The following TTC29 variants were observed in gnomAD, a reference collection of about 807,000 sequenced individuals.
TTC29 encodes tetratricopeptide repeat domain 29.
In TTC29, 49 loss-of-function variants were observed where a neutral mutation model predicts 58.1. The ratio of observed to expected loss-of-function variants is 0.84; its 90% confidence interval spans 0.67 to 1.07. The LOEUF (loss-of-function observed/expected upper bound fraction) is 1.07, where lower values mean the gene tolerates loss of function less well. Among genes scored for constraint, TTC29 ranks in the 50% least tolerant of loss-of-function variants. TTC29 has a pLI of 0.00. For synonymous variants in TTC29, 209 were observed against 196.8 expected, an observed-to-expected ratio of 1.06 and a Z score of -0.52; for missense variants, 582 against 555.6, an observed-to-expected ratio of 1.05 and a Z score of -0.48.
At chr4:146,828,719 T>C (rs1727970678) in intron 9 of TTC29, among the ~76,000 whole-genome samples, 1 of 152,128 alleles carries the variant, frequency 6.6e-6, no homozygotes, top group Non-Finnish European at 1.5e-5. Context: ...TCATTTTTCT[T>C]CCAAAGGAGC....
At position 146,715,031 on chromosome 4, in the gene TTC29, T is replaced by A. The variant is rs565278514; in HGVS notation, c.1331-7480A>T. ...AAAAAAAATTCTTGTAGAGATGGGATCTTGTTTCATTGCCTACTCTGCTCT... is the reference window on the plus strand; with the variant it reads ...AAAAAAAATTCTTGTAGAGATGGGAACTTGTTTCATTGCCTACTCTGCTCT... On this transcript the variant is annotated intron_variant, in intron 11 of 12. Transcript: ENST00000325106. Among the ~76,000 whole-genome samples the A allele has an allele frequency of 2.0e-5, 3 of 151,900 alleles. No individual in the cohort carries two copies. In the East Asian group the frequency reaches 5.8e-4, roughly 29 times the overall value.
chr4:146,893,513 A>C (rs56872262), intron 6 of TTC29, among the ~76,000 whole-genome samples: 9,787 of 152,220 alleles, frequency 0.064, 1,079 homozygotes, highest in African/African-American at 0.22. Flanking sequence ...CCTTCCTTAC[A>C]CCTTATACAA....
chr4:146,910,395 C>CA (rs938379971), intron 4 of TTC29, among the ~76,000 whole-genome samples: 1 of 151,884 alleles, frequency 6.6e-6, no homozygotes, highest in Non-Finnish European at 1.5e-5. Context: ...CTACAGAGTT[C>CA]AAAAAAACAA....
chr4:146,942,023 A>C (rs1736452562), intron 2 of TTC29, among the ~76,000 whole-genome samples: 1 of 152,238 alleles, frequency 6.6e-6, no homozygotes, highest in Non-Finnish European at 1.5e-5. Flanking sequence ...AGACGAGAGA[A>C]AATCTTCTGA....
intron 11 of TTC29, among the ~76,000 whole-genome samples, chr4:146,778,991 A>G (rs1195061394): frequency 6.3e-5 from 8 of 127,644 alleles, no homozygotes; most frequent in African/African-American, 2.0e-4. Context: ...AAAAAAAAAA[A>G]AAAAAAAAAA....
chr4:146,724,130 C>A (rs933103371), intron 11 of TTC29, among the ~76,000 whole-genome samples: 38 of 152,246 alleles, frequency 2.5e-4, no homozygotes, highest in African/African-American at 8.2e-4. Context: ...GAACAGAAAA[C>A]CAAATACTGC....
chr4:146,729,345 T>C (rs1234571427), intron 11 of TTC29, among the ~76,000 whole-genome samples: 1 of 152,194 alleles, frequency 6.6e-6, no homozygotes, highest in African/African-American at 2.4e-5. Flanking sequence ...CTCTTTTCCT[T>C]TTCCTTTTTA....
intron 4 of TTC29, among the ~76,000 whole-genome samples, chr4:146,922,173 A>C (rs1333715209): frequency 6.6e-6 from 1 of 151,398 alleles, no homozygotes; most frequent in Admixed American, 6.6e-5. Context: ...CGTATTTAAA[A>C]AGAAGGCTAT....
In TTC29 at chr4:146,833,845, A is replaced by AGT; in HGVS notation, c.937_938insAC (p.Leu313HisfsTer9). 6.2e-7 allele frequency: 1 copy of AGT among 1,613,384 alleles called. No homozygotes were observed. The highest frequency in any genetic ancestry group is 1.1e-5 in the South Asian group (1 of 91,068). ...GGCTATGGCTTCATAGCCTCTCCCC[A>AGT]GACTGAGATCATCATCCAGGTCTGT... is the stretch of plus-strand genomic sequence containing the variant. On this transcript the variant is annotated frameshift_variant, in exon 9 of 13. Coordinates refer to ENST00000325106, the MANE Select transcript of TTC29 (RefSeq NM_031956.4). LOFTEE classifies it high-confidence loss of function.
chr4:146,900,608 T>C (rs1047160933), intron 6 of TTC29, among the ~76,000 whole-genome samples: 2 of 152,164 alleles, frequency 1.3e-5, no homozygotes, highest in African/African-American at 4.8e-5. Context: ...AATGGGTGCA[T>C]AGATGAATGA....
chr4:146,902,796 C>G (rs1352679901), intron 6 of TTC29, among the ~76,000 whole-genome samples: 1 of 152,170 alleles, frequency 6.6e-6, no homozygotes, highest in Non-Finnish European at 1.5e-5. Flanking sequence ...GAAGCACTTT[C>G]AAAGTCCTAT....
chr4:146,753,288 A>G (rs1746163687), intron 11 of TTC29, among the ~76,000 whole-genome samples: 1 of 152,216 alleles, frequency 6.6e-6, no homozygotes, highest in Admixed American at 6.5e-5. Flanking sequence ...GCAGCCAAAA[A>G]ACACATGAAA....
At chr4:146,887,027 A>G (rs1732032234) in intron 6 of TTC29, among the ~76,000 whole-genome samples, 1 of 152,162 alleles carries the variant, frequency 6.6e-6, no homozygotes, top group Admixed American at 6.6e-5. Context: ...CATAGAAGCA[A>G]TGAATAGAAT....
intron 8 of TTC29, among the ~76,000 whole-genome samples, chr4:146,847,732 C>T (rs149692432): frequency 6.6e-6 from 1 of 152,280 alleles, no homozygotes; most frequent in Non-Finnish European, 1.5e-5. Flanking sequence ...GAGTGAGCCA[C>T]GGACAAGGCT....
chr4:146,735,878 A>C (rs1229236279), intron 11 of TTC29, among the ~76,000 whole-genome samples: 1 of 152,194 alleles, frequency 6.6e-6, no homozygotes, highest in Non-Finnish European at 1.5e-5. Context: ...ATTAATTAAC[A>C]AGACAATAGG....
At chr4:146,938,355 C>T (rs1736042089) in intron 3 of TTC29, among the ~76,000 whole-genome samples, 2 of 152,088 alleles carry the variant, frequency 1.3e-5, no homozygotes, top group Admixed American at 6.6e-5. Context: ...TTGATACAAA[C>T]TTTGCCTTTT....
intron 4 of TTC29, among the ~76,000 whole-genome samples, chr4:146,917,046 T>C (rs1217632151): frequency 6.6e-6 from 1 of 151,208 alleles, no homozygotes; most frequent in Non-Finnish European, 1.5e-5. Flanking sequence ...TTTTAAATTA[T>C]GATGGATTCT....
intron 6 of TTC29, among the ~76,000 whole-genome samples, chr4:146,885,744 T>A (rs1731940323): frequency 6.6e-6 from 1 of 152,086 alleles, no homozygotes; most frequent in South Asian, 2.1e-4. Flanking sequence ...AAAATTACAA[T>A]TACTTTTGCA....
intron 6 of TTC29, among the ~76,000 whole-genome samples, chr4:146,900,559 AC>A (rs1733074143): frequency 6.6e-6 from 1 of 152,210 alleles, no homozygotes. Flanking sequence ...TGCCGTGCGT[AC>A]TAACCACAGG....
Sources: allele counts gnomAD v4.1 joint callset (sites outside exome capture counted in the v4.1 genomes callset), GRCh38; gene constraint gnomAD v4.1.1; transcripts MANE v1.5; gene names NCBI Gene and HGNC (gene_info 2026-07-23, HGNC 2026-07-21).